The following DOCK4 variants were observed in gnomAD, a reference collection of about 807,000 sequenced individuals.
The protein encoded by DOCK4 is dedicator of cytokinesis protein 4.
A neutral mutation model predicts 268.1 loss-of-function variants in DOCK4; 97 were observed. That is an observed-to-expected ratio of 0.36 (90% CI 0.31 to 0.43). The LOEUF (loss-of-function observed/expected upper bound fraction) is 0.43. Among genes scored for constraint, DOCK4 ranks in the 20% least tolerant of loss-of-function variants. DOCK4 has a pLI of 1.00. For missense variants in DOCK4, 2,145 were observed against 2,455.7 expected, an observed-to-expected ratio of 0.87 and a Z score of 2.67; for synonymous variants, 954 against 887.2, an observed-to-expected ratio of 1.08 and a Z score of -1.34.
chr7:111,768,030 A>G (rs556010571), intron 37 of DOCK4, among the ~76,000 whole-genome samples: 3 of 152,308 alleles, frequency 2.0e-5, no homozygotes, highest in Admixed American at 1.3e-4. Flanking sequence ...AGCCATAGAC[A>G]CAATTAAGCA....
intron 10 of DOCK4, 27 bp downstream of exon 10, chr7:111,944,784 T>C: frequency 6.2e-7 from 1 of 1,605,806 alleles, no homozygotes; most frequent in Non-Finnish European, 8.5e-7. Flanking sequence ...TCCTTGCCCC[T>C]ACTGCACTGA....
intron 24 of DOCK4, among the ~76,000 whole-genome samples, chr7:111,846,215 GA>G (rs1329488351): frequency 6.6e-6 from 1 of 152,182 alleles, no homozygotes; most frequent in Non-Finnish European, 1.5e-5. Context: ...AGGTAATAGG[GA>G]AGCAGAGGAA....
At chr7:111,979,209 A>C (rs1798424978) in intron 7 of DOCK4, among the ~76,000 whole-genome samples, 1 of 152,192 alleles carries the variant, frequency 6.6e-6, no homozygotes, top group Non-Finnish European at 1.5e-5. Context: ...AGAAGTTAAA[A>C]CTTTTATTCC....
chr7:112,050,251 C>T (rs1242101771), intron 1 of DOCK4, among the ~76,000 whole-genome samples: 1 of 152,078 alleles, frequency 6.6e-6, no homozygotes, highest in Non-Finnish European at 1.5e-5. Context: ...TTGAACCAGT[C>T]TTGTTTGTAT....
chr7:112,159,104 C>A (rs997937086), intron 1 of DOCK4, among the ~76,000 whole-genome samples: 12 of 152,144 alleles, frequency 7.9e-5, no homozygotes, highest in African/African-American at 2.7e-4. Context: ...AGTATCCTCC[C>A]TACCAGTACA....
At chr7:112,197,861 A>G (rs1425668784) in intron 1 of DOCK4, among the ~76,000 whole-genome samples, 6 of 151,416 alleles carry the variant, frequency 4.0e-5, no homozygotes, top group Admixed American at 3.3e-4. Context: ...CTCACTTTCT[A>G]CTAGACCTCA....
intron 40 of DOCK4, 100 bp from the exon 41 acceptor site, chr7:111,758,890 T>C: frequency 1.8e-6 from 2 of 1,094,206 alleles, no homozygotes; most frequent in South Asian, 1.6e-5. Flanking sequence ...GGTAACAATC[T>C]TCTGTTTCCA....
At chr7:111,947,311 A>G (rs1314606898) in intron 8 of DOCK4, among the ~76,000 whole-genome samples, 1 of 152,220 alleles carries the variant, frequency 6.6e-6, no homozygotes, top group African/African-American at 2.4e-5. Context: ...GTTTTGGAAC[A>G]CTTATTCTCT....
intron 36 of DOCK4, among the ~76,000 whole-genome samples, chr7:111,773,229 G>T (rs1416884655): frequency 6.6e-6 from 1 of 152,170 alleles, no homozygotes; most frequent in Non-Finnish European, 1.5e-5. Flanking sequence ...CTGGAAAAGG[G>T]TTAAGTCACT....
At chr7:111,833,773 C>T (rs1164272568) in intron 26 of DOCK4, among the ~76,000 whole-genome samples, 1 of 152,076 alleles carries the variant, frequency 6.6e-6, no homozygotes, top group Non-Finnish European at 1.5e-5. Flanking sequence ...AAAAAATCAA[C>T]AATTTCTTCC....
chr7:112,195,155 T>C (rs1025227786), intron 1 of DOCK4, among the ~76,000 whole-genome samples: 1 of 152,150 alleles, frequency 6.6e-6, no homozygotes, highest in Non-Finnish European at 1.5e-5. Context: ...GGTGGGCACC[T>C]ATAATCCCAG....
At chr7:111,898,552 T>G (rs116071255) in intron 15 of DOCK4, among the ~76,000 whole-genome samples, 1,793 of 152,352 alleles carry the variant, frequency 0.012, 37 homozygotes, top group African/African-American at 0.041. Context: ...TATTTTCTTG[T>G]GCTCACTGAT....
At chr7:112,081,000 T>C (rs965935942) in intron 1 of DOCK4, among the ~76,000 whole-genome samples, 4 of 152,148 alleles carry the variant, frequency 2.6e-5, no homozygotes, top group Non-Finnish European at 5.9e-5. Context: ...TTAAAAGACA[T>C]GAACAACTGT....
intron 12 of DOCK4, among the ~76,000 whole-genome samples, chr7:111,920,993 CAATTT>C (rs1340615438): frequency 1.3e-5 from 2 of 151,944 alleles, no homozygotes; most frequent in African/African-American, 2.4e-5. Context: ...ATTTAATTTA[CAATTT>C]AATTTCATAA....
At chr7:112,113,734 ATTTTTTTTTTTTTTTTTTTTTTTTTTT>A (rs57672966) in intron 1 of DOCK4, among the ~76,000 whole-genome samples, 149 of 49,554 alleles carry the variant, frequency 3.0e-3, no homozygotes, top group African/African-American at 9.7e-3. Flanking sequence ...TACTTGGCTG[ATTTTTTTTTTTTTTTTTTTTTTTTTTT>A]TTTTTTTTTT....
At chr7:111,757,074 C>T (rs146159776) in intron 41 of DOCK4, among the ~76,000 whole-genome samples, 36 of 151,760 alleles carry the variant, frequency 2.4e-4, no homozygotes, top group Middle Eastern at 3.4e-3. Flanking sequence ...GAGCGGCTTG[C>T]GAAAGGGCTT....
At chr7:112,156,155 G>A (rs1012379142) in intron 1 of DOCK4, among the ~76,000 whole-genome samples, 5 of 152,024 alleles carry the variant, frequency 3.3e-5, no homozygotes, top group East Asian at 1.9e-4. Context: ...ACTGAGCCTC[G>A]GCTTCTTCAT....
At chr7:111,846,967 G>A (rs769227101) in intron 24 of DOCK4, 32 bp downstream of exon 24, 25 of 1,582,496 alleles carry the variant, frequency 1.6e-5, no homozygotes, top group Non-Finnish European at 2.1e-5. Flanking sequence ...CCATTTGAAG[G>A]GAGCTATATA....
intron 1 of DOCK4, among the ~76,000 whole-genome samples, chr7:112,163,705 A>G (rs2116522689): frequency 6.6e-6 from 1 of 152,320 alleles, no homozygotes; most frequent in East Asian, 1.9e-4. Context: ...TTATTACCCC[A>G]TTTTACAAAT....
Sources: allele counts gnomAD v4.1 joint callset (sites outside exome capture counted in the v4.1 genomes callset), GRCh38; gene constraint gnomAD v4.1.1; transcripts MANE v1.5; gene names NCBI Gene and HGNC (gene_info 2026-07-23, HGNC 2026-07-21).